Variants in FBN3 observed in about 807,000 individuals in gnomAD.
The protein encoded by FBN3 is fibrillin-3.
FBN3 carries 234 observed loss-of-function variants against 330.1 expected under a neutral mutation model. That is an observed-to-expected ratio of 0.71 (90% CI 0.64 to 0.79). The LOEUF is 0.79. Among genes scored for constraint, FBN3 ranks in the 30% least tolerant of loss-of-function variants. FBN3 has a pLI of 0.00. For synonymous variants in FBN3, 1,458 were observed against 1,517.3 expected, an observed-to-expected ratio of 0.96 and a Z score of 0.91; for missense variants, 3,606 against 3,886.9, an observed-to-expected ratio of 0.93 and a Z score of 1.92.
chr19:8,071,307 G>A (rs1007134436), intron 63 of FBN3, among the ~76,000 whole-genome samples: 9 of 152,288 alleles, frequency 5.9e-5, no homozygotes, highest in African/African-American at 1.4e-4. Context: ...CCTGCCCTAC[G>A]GCTACTGAGT....
chr19:8,116,563 G>C (rs1430889995), intron 29 of FBN3, 111 bp downstream of exon 29: 6 of 1,143,126 alleles, frequency 5.2e-6, no homozygotes, highest in African/African-American at 1.5e-5. Context: ...CGAATGGCAG[G>C]GGTGGGGCCT....
chr19:8,097,396 T>TC lies in FBN3; in HGVS notation c.5179dup (p.Glu1727GlyfsTer36). 1 of 1,596,918 alleles carries TC rather than the reference T, an allele frequency of 6.3e-7. No individual in the cohort carries two copies. The stretch of plus-strand genomic sequence containing the variant: ...GCCATTGGCACAGATGGCGGGGATC[T>TC]CCCCACACTCATCAATGTCTGCAGA... On this transcript the variant is annotated frameshift_variant, in exon 42 of 64. Transcript: ENST00000600128. LOFTEE classifies it high-confidence loss of function.
In FBN3 at chr19:8,087,959, A is replaced by G. The variant is rs779132651; in HGVS notation, c.6497-12T>C. The G allele has an allele frequency of 6.2e-7, 1 of 1,614,088 alleles. No homozygotes were observed. Among genetic ancestry groups the G allele is most frequent in the South Asian group, 1.1e-5 (1 of 91,078 alleles). On this transcript the variant is annotated splice_polypyrimidine_tract_variant and intron_variant, in intron 52 of 63. Transcript: ENST00000600128. The stretch of plus-strand genomic sequence containing the variant: ...GCATTCGTCGATGTCTGGGGAGGCC[A>G]GTGGAGGTGCCAGCTGGGTAGGGAC...
At chr19:8,123,699 C>G in intron 23 of FBN3, 85 bp downstream of exon 23, 1 of 1,593,742 alleles carries the variant, frequency 6.3e-7, no homozygotes, top group Non-Finnish European at 8.6e-7. Context: ...CCTTTTCCCC[C>G]AAACACACTT....
rs367798918 is a variant in FBN3, at chr19:8,066,083, G to C, written c.8266C>G (p.Arg2756Gly). 5 of 1,613,354 alleles carry C rather than the reference G, an allele frequency of 3.1e-6. 1 individual carries two copies. In the African/African-American group the frequency reaches 6.7e-5, roughly 22 times the overall value. Residue 2756 changes from arginine to glycine, a missense_variant, in exon 64 of 64, where the codon CGT (arginine) becomes GGT (glycine). Physicochemically the swap from Arg to Gly is moderately radical, Grantham distance 125. Coordinates refer to ENST00000600128, the MANE Select transcript of FBN3 (RefSeq NM_032447.5). ...EQGFFRMHHLRGVSSLQLGRR... is the reference protein window; with the variant it reads ...EQGFFRMHHLGGVSSLQLGRR... ...CCCAGCTGCAGGGAGCTGACGCCACGGAGGTGATGCATGCGAAAGAAACCT... is the reference window on the plus strand; with the variant it reads ...CCCAGCTGCAGGGAGCTGACGCCACCGAGGTGATGCATGCGAAAGAAACCT...
rs188409026 is a variant in FBN3, at chr19:8,095,923, G to A, written c.5656+41C>T. On this transcript the variant is annotated intron_variant, in intron 45 of 63. Transcript: ENST00000600128. ...CTAGATTCACTTCCTTAGATTCTGA[G>A]AACCCACTTTGTGGCCAGCCTGCCA... 412 of 1,293,194 alleles carry A rather than the reference G, an allele frequency of 3.2e-4. 6 individuals are homozygous for A. The East Asian group carries it at 8.8e-3, about 28-fold the overall frequency. 80.1% of individuals were successfully genotyped at this position (1,293,194 alleles called of 1,614,324 possible).
rs556580676 is a variant in FBN3, at chr19:8,116,816, G to A, written c.3587-17C>T. On this transcript the variant is annotated splice_polypyrimidine_tract_variant and intron_variant, in intron 28 of 63. Coordinates refer to ENST00000600128, the MANE Select transcript of FBN3 (RefSeq NM_032447.5). ...CGTCCACGTCTGGGGGAGCAGGGTT[G>A]GGGACTGTGCTTAGCTTTGCCCTGA... 1.8e-5 allele frequency: 29 copies of A among 1,612,204 alleles called. No individual in the cohort carries two copies. In the South Asian group the frequency reaches 2.8e-4, roughly 15 times the overall value.
intron 47 of FBN3, among the ~76,000 whole-genome samples, chr19:8,094,239 A>G (rs1452683760): frequency 6.6e-6 from 1 of 152,244 alleles, no homozygotes; most frequent in African/African-American, 2.4e-5. Flanking sequence ...AGGATTCATG[A>G]GGAAGCCTGT....
chr19:8,125,770 G>A (rs1329090944), intron 22 of FBN3, 122 bp downstream of exon 22: 163 of 1,142,996 alleles, frequency 1.4e-4, no homozygotes, highest in Non-Finnish European at 1.8e-4. Flanking sequence ...CAGCCTGGGC[G>A]ACAGAGCGAG....
rs574913990 is a variant in FBN3, at chr19:8,088,877, G to C, written c.6376+668C>G. Among the ~76,000 whole-genome samples, 4 of 151,896 alleles carry C rather than the reference G, an allele frequency of 2.6e-5. No individual in the cohort carries two copies. In the South Asian group the frequency reaches 6.2e-4, roughly 24 times the overall value. ...CGAGTGAATGAGTGAATGAGTAAAT[G>C]AATGAGTGAGTGAATGAATGAGCCA... On this transcript the variant is annotated intron_variant, in intron 51 of 63. Coordinates refer to ENST00000600128, the MANE Select transcript of FBN3 (RefSeq NM_032447.5).
intron 13 of FBN3, among the ~76,000 whole-genome samples, chr19:8,133,937 A>G (rs1399609836): frequency 6.6e-6 from 1 of 151,748 alleles, no homozygotes. Context: ...ATTTAAAAAA[A>G]AAAATGTGGC....
intron 6 of FBN3, 124 bp downstream of exon 6, chr19:8,144,753 C>T: frequency 1.5e-6 from 1 of 683,094 alleles, no homozygotes. Context: ...CTCAGACTGC[C>T]CCAAATGCGG....
intron 30 of FBN3, among the ~76,000 whole-genome samples, chr19:8,113,126 C>T (rs977328631): frequency 2.6e-5 from 4 of 152,154 alleles, no homozygotes; most frequent in African/African-American, 7.2e-5. Flanking sequence ...GATGAGTGTT[C>T]TTTTGAGAAG....
chr19:8,093,430 T>A (rs1183270993), intron 47 of FBN3, among the ~76,000 whole-genome samples: 1 of 152,118 alleles, frequency 6.6e-6, no homozygotes, highest in East Asian at 1.9e-4. Flanking sequence ...GAGAGCATCC[T>A]GGCTAACATG....
chr19:8,104,511 T>C (rs954852903), intron 38 of FBN3, among the ~76,000 whole-genome samples: 1 of 151,748 alleles, frequency 6.6e-6, no homozygotes, highest in African/African-American at 2.4e-5. Flanking sequence ...AAGTTGATGA[T>C]GATACTGCTT....
chr19:8,128,478 C>T (rs759545628), intron 18 of FBN3, among the ~76,000 whole-genome samples: 8 of 151,376 alleles, frequency 5.3e-5, no homozygotes, highest in Admixed American at 2.6e-4. Flanking sequence ...GCAGGAGAAT[C>T]GCTTGAACTA....
Position 8,123,445 on chromosome 19 carries a change from A to T in FBN3, c.3082+19T>A, listed in dbSNP as rs1175113404. The T allele has an allele frequency of 6.2e-7, 1 of 1,612,000 alleles. No homozygotes were observed. Among genetic ancestry groups the T allele is most frequent in the Non-Finnish European group, 8.5e-7 (1 of 1,178,618 alleles). On this transcript the variant is annotated intron_variant, in intron 24 of 63. Transcript: ENST00000600128. Reference sequence around the variant, plus strand: ...TGCCAAGGATCACGCTCTCTCCAAGAGGCAGAGGTGGCACCTACCTGTGCA... The same window carrying T: ...TGCCAAGGATCACGCTCTCTCCAAGTGGCAGAGGTGGCACCTACCTGTGCA...
chr19:8,076,983 C>T (rs1277958289), intron 59 of FBN3, among the ~76,000 whole-genome samples: 3 of 152,190 alleles, frequency 2.0e-5, no homozygotes, highest in Non-Finnish European at 2.9e-5. Flanking sequence ...AGGCTGGTCG[C>T]AAACTCCTGG....
chr19:8,130,024 A>T (rs7255200), intron 16 of FBN3, among the ~76,000 whole-genome samples: 1 of 151,664 alleles, frequency 6.6e-6, no homozygotes, highest in African/African-American at 2.4e-5. Context: ...CAGCCCCCCA[A>T]GTAGCTGGGA....
Sources: allele counts gnomAD v4.1 joint callset (sites outside exome capture counted in the v4.1 genomes callset), GRCh38; gene constraint gnomAD v4.1.1; transcripts MANE v1.5; gene names NCBI Gene and HGNC (gene_info 2026-07-23, HGNC 2026-07-21).